Variants in DLG2 observed in about 807,000 individuals in gnomAD.
DLG2 encodes the protein disks large homolog 2.
Under a neutral mutation model 132.5 loss-of-function variants are expected in DLG2, and 45 were observed. The observed-to-expected ratio is 0.34, with a 90% CI of 0.27 to 0.44. The LOEUF is 0.44. Ranked by LOEUF, DLG2 falls within the 20% of genes least tolerant of loss-of-function variation. The pLI is 1.00. For synonymous variants in DLG2, 424 were observed against 419.6 expected (o/e 1.01, Z -0.13); for missense variants, 1,045 against 1,196.9 (o/e 0.87, Z 1.87).
intron 7 of DLG2, among the ~76,000 whole-genome samples, chr11:84,465,817 A>G (rs1164061486): frequency 1.3e-5 from 2 of 151,278 alleles, no homozygotes; most frequent in Non-Finnish European, 3.0e-5. Flanking sequence ...GCCTAAATGT[A>G]TACTTAAATC....
intron 6 of DLG2, among the ~76,000 whole-genome samples, chr11:84,695,079 G>T (rs188449026): frequency 2.0e-5 from 3 of 151,248 alleles, no homozygotes; most frequent in African/African-American, 7.3e-5. Flanking sequence ...AATATGCTTC[G>T]GTAAAATGGT....
chr11:85,114,339 T>C (rs1267615035), intron 5 of DLG2, among the ~76,000 whole-genome samples: 1 of 151,938 alleles, frequency 6.6e-6, no homozygotes, highest in Non-Finnish European at 1.5e-5. Context: ...CTTAGTTAAT[T>C]CTTAAGCCAA....
intron 21 of DLG2, among the ~76,000 whole-genome samples, chr11:83,489,242 T>C (rs1030867206): frequency 6.6e-6 from 1 of 152,024 alleles, no homozygotes; most frequent in South Asian, 2.1e-4. Flanking sequence ...ACTACCAGTT[T>C]ACAGCAACAA....
chr11:83,810,290 G>T (rs1346422900), intron 17 of DLG2, among the ~76,000 whole-genome samples: 3 of 152,026 alleles, frequency 2.0e-5, no homozygotes, highest in African/African-American at 7.2e-5. Flanking sequence ...TTTATCAAAT[G>T]CTGTGTGCAA....
chr11:85,170,475 G>C (rs1000669743), intron 4 of DLG2, among the ~76,000 whole-genome samples: 1 of 152,086 alleles, frequency 6.6e-6, no homozygotes, highest in African/African-American at 2.4e-5. Flanking sequence ...CTCAGCTTGG[G>C]CAGGAAAAAT....
At chr11:85,539,463 C>T (rs924773824) in intron 3 of DLG2, among the ~76,000 whole-genome samples, 3 of 152,132 alleles carry the variant, frequency 2.0e-5, no homozygotes, top group Admixed American at 2.0e-4. Context: ...TCCCCTATGA[C>T]AGAAAGTATA....
intron 9 of DLG2, among the ~76,000 whole-genome samples, chr11:84,124,549 C>CA (rs1163208519): frequency 6.6e-6 from 1 of 152,192 alleles, no homozygotes; most frequent in Non-Finnish European, 1.5e-5. Context: ...AGGTTTCTGT[C>CA]ATGATAGACG....
intron 4 of DLG2, among the ~76,000 whole-genome samples, chr11:85,155,565 CATA>C (rs935365346): frequency 1.3e-5 from 2 of 152,030 alleles, no homozygotes; most frequent in Non-Finnish European, 2.9e-5. Context: ...TGTTCAACTG[CATA>C]ATAAGGATTC....
chr11:84,665,450 T>C (rs898287184), intron 6 of DLG2, among the ~76,000 whole-genome samples: 1 of 152,138 alleles, frequency 6.6e-6, no homozygotes, highest in Non-Finnish European at 1.5e-5. Context: ...ATCAGTAGTA[T>C]TTCCAAATAT....
chr11:83,477,466 A>G (rs1019123178), intron 22 of DLG2, among the ~76,000 whole-genome samples: 1 of 152,090 alleles, frequency 6.6e-6, no homozygotes, highest in Non-Finnish European at 1.5e-5. Context: ...ACTATTTATT[A>G]GAAATTGATG....
Position 85,003,440 on chromosome 11 carries a change from T to C in DLG2, c.357+108221A>G, listed in dbSNP as rs1000020406. On this transcript the variant is annotated intron_variant, in intron 6 of 27. Coordinates refer to ENST00000376104, the MANE Select transcript of DLG2 (RefSeq NM_001142699.3). ...GATTTTTTATTTCGATTGTATTTGA[T>C]TGCAGTTTTTATTATATGTAAGTTG... Among the ~76,000 whole-genome samples the C allele has an allele frequency of 7.2e-5, 11 of 152,216 alleles. No homozygotes were observed. In the South Asian group the frequency reaches 1.0e-3, roughly 14 times the overall value.
At chr11:85,031,736 T>C (rs922504046) in intron 6 of DLG2, among the ~76,000 whole-genome samples, 3 of 152,138 alleles carry the variant, frequency 2.0e-5, no homozygotes, top group Non-Finnish European at 4.4e-5. Context: ...AATTGGAGTC[T>C]CTGTGTTAAC....
At chr11:85,371,266 C>T (rs1429165968) in intron 3 of DLG2, among the ~76,000 whole-genome samples, 1 of 152,114 alleles carries the variant, frequency 6.6e-6, no homozygotes, top group Non-Finnish European at 1.5e-5. Flanking sequence ...GAAGCTGAAG[C>T]AACCTTTTTG....
chr11:84,626,847 A>ACATTTTT (rs373094154), intron 6 of DLG2, among the ~76,000 whole-genome samples: 12 of 144,104 alleles, frequency 8.3e-5, no homozygotes, highest in African/African-American at 2.9e-4. Flanking sequence ...CATCAATTAC[A>ACATTTTT]TATTTTATTT....
intron 6 of DLG2, among the ~76,000 whole-genome samples, chr11:84,901,015 G>A (rs1030276451): frequency 4.0e-5 from 6 of 151,740 alleles, no homozygotes; most frequent in East Asian, 3.9e-4. Flanking sequence ...GATACTTAGC[G>A]AGTCCATATG....
chr11:84,492,945 T>G (rs1486442347), intron 7 of DLG2, among the ~76,000 whole-genome samples: 3 of 152,124 alleles, frequency 2.0e-5, no homozygotes, highest in Non-Finnish European at 4.4e-5. Flanking sequence ...ATATTTCTAA[T>G]GGTCAGGTTC....
chr11:85,381,463 T>C (rs2085883187), intron 3 of DLG2, among the ~76,000 whole-genome samples: 1 of 152,178 alleles, frequency 6.6e-6, no homozygotes, highest in Non-Finnish European at 1.5e-5. Flanking sequence ...CTGCTCTCTT[T>C]ATTTCTTTCC....
rs547398870 is a variant in DLG2, at chr11:85,570,345, A to C, written c.40+28312T>G. Reference sequence around the variant, plus strand: ...CTCAAGAATATTCCATATGGACTTGAGAAAAATATGGATTCTGCTGTTATT... The same window carrying C: ...CTCAAGAATATTCCATATGGACTTGCGAAAAATATGGATTCTGCTGTTATT... On this transcript the variant is annotated intron_variant, in intron 3 of 27. Coordinates refer to ENST00000376104, the MANE Select transcript of DLG2 (RefSeq NM_001142699.3). 3.9e-5 allele frequency among the ~76,000 whole-genome samples: 6 copies of C among 152,310 alleles called. No individual in the cohort carries two copies. The South Asian group carries it at 6.2e-4, about 16-fold the overall frequency.
At chr11:85,198,336 T>C (rs1478150301) in intron 4 of DLG2, among the ~76,000 whole-genome samples, 3 of 152,150 alleles carry the variant, frequency 2.0e-5, no homozygotes. Flanking sequence ...CAGACCCCTT[T>C]AAGAACACAC....
Sources: gnomAD v4.1 joint callset for allele counts (sites outside exome capture counted in the v4.1 genomes callset) on GRCh38, gnomAD v4.1.1 for gene constraint, MANE v1.5 for transcripts, NCBI Gene and HGNC (gene_info 2026-07-23, HGNC 2026-07-21) for gene names.